The following CEMIP2 variants were observed in gnomAD, a reference collection of about 807,000 sequenced individuals.
The protein encoded by CEMIP2 is cell migration inducing hyaluronidase 2, also known as cell surface hyaluronidase CEMIP2.
A neutral mutation model predicts 146.9 loss-of-function variants in CEMIP2; 79 were observed. That is an observed-to-expected ratio of 0.54 (90% CI 0.45 to 0.65). The LOEUF (loss-of-function observed/expected upper bound fraction) is 0.65. Among genes scored for constraint, CEMIP2 ranks in the 30% least tolerant of loss-of-function variants. CEMIP2 has a pLI of 0.00. For missense variants in CEMIP2, 1,596 were observed against 1,696.2 expected (o/e 0.94, Z 1.04); for synonymous variants, 601 against 606.3 (o/e 0.99, Z 0.13).
At position 71,755,892 on chromosome 9, in the gene CEMIP2, G is replaced by A. The variant is rs1824420711; in HGVS notation, c.-12-5507C>T. Reference sequence around the variant, plus strand: ...CATGAGGATCACTTGAGCCTGGGAGGTGAAGGCTGCAACAAACTGACTGCA... The same window carrying A: ...CATGAGGATCACTTGAGCCTGGGAGATGAAGGCTGCAACAAACTGACTGCA... On this transcript the variant is annotated intron_variant, in intron 1 of 23. Coordinates refer to ENST00000377044, the MANE Select transcript of CEMIP2 (RefSeq NM_013390.3). Among the ~76,000 whole-genome samples the A allele has an allele frequency of 2.1e-5, 3 of 141,778 alleles. No homozygotes were observed. The South Asian group carries it at 6.8e-4, about 32-fold the overall frequency. 93.0% of individuals were successfully genotyped at this position (141,778 alleles called of 152,430 possible).
chr9:71,689,890 G>A (rs974908083), intron 22 of CEMIP2, among the ~76,000 whole-genome samples: 5 of 152,154 alleles, frequency 3.3e-5, no homozygotes, highest in African/African-American at 1.2e-4. Context: ...TCCAAGTTCT[G>A]CCACAGGTAA....
intron 11 of CEMIP2, 30 bp downstream of exon 11, chr9:71,725,551 T>G: frequency 6.2e-7 from 1 of 1,608,544 alleles, no homozygotes. Context: ...GTCTAGCATA[T>G]GTACTAATTG....
At chr9:71,723,219 G>A (rs1348670357) in intron 11 of CEMIP2, among the ~76,000 whole-genome samples, 3 of 150,276 alleles carry the variant, frequency 2.0e-5, no homozygotes, top group South Asian at 4.2e-4. Context: ...CTAAAGAGGA[G>A]CAAACATCAG....
chr9:71,730,442 GA>G (rs1823583683), intron 8 of CEMIP2, among the ~76,000 whole-genome samples, 189 bp from the exon 9 acceptor site: 1 of 150,228 alleles, frequency 6.7e-6, no homozygotes, highest in East Asian at 1.9e-4. Flanking sequence ...TCCCACAGGG[GA>G]AAAAAATAAA....
At chr9:71,711,286 A>G (rs1822896136) in intron 16 of CEMIP2, among the ~76,000 whole-genome samples, 1 of 152,060 alleles carries the variant, frequency 6.6e-6, no homozygotes, top group Admixed American at 6.5e-5. Flanking sequence ...TTTCAGCCAG[A>G]TGCAGTGGCT....
At chr9:71,721,263 T>C (rs1823223212) in intron 12 of CEMIP2, among the ~76,000 whole-genome samples, 1 of 152,162 alleles carries the variant, frequency 6.6e-6, no homozygotes, top group Non-Finnish European at 1.5e-5. Flanking sequence ...AGTAACCTTC[T>C]AGATAGAATT....
In CEMIP2 at chr9:71,685,141, A is replaced by G. The variant is rs988617473; in HGVS notation, c.*56T>C. ...ACAGTGTCATTTTAAAATGCCATAA[A>G]TTAAATAAGTTAGTTCACATTTTTT... On this transcript the variant is annotated 3_prime_UTR_variant, in exon 24 of 24. Coordinates refer to ENST00000377044, the MANE Select transcript of CEMIP2 (RefSeq NM_013390.3). The G allele has an allele frequency of 3.4e-6, 5 of 1,459,536 alleles. No individual in the cohort carries two copies. The highest frequency in any genetic ancestry group is 1.4e-5 in the African/African-American group (1 of 70,488). The allele number at this position is 1,459,536 out of a possible 1,614,324, so 90.4% of individuals were successfully genotyped here.
chr9:71,718,110 A>G (rs1170933050), intron 12 of CEMIP2, 31 bp from the exon 13 acceptor site: 1 of 1,584,448 alleles, frequency 6.3e-7, no homozygotes, highest in Non-Finnish European at 8.6e-7. Context: ...TTTAAAAAAT[A>G]TAACATAAAA....
chr9:71,725,770 C>A (rs1230940806), intron 10 of CEMIP2, 61 bp from the exon 11 acceptor site: 6 of 1,511,468 alleles, frequency 4.0e-6, no homozygotes, highest in Non-Finnish European at 5.3e-6. Flanking sequence ...ATGAAACACT[C>A]TCATAAACTA....
intron 1 of CEMIP2, among the ~76,000 whole-genome samples, chr9:71,750,667 G>A (rs187080237): frequency 1.6e-4 from 24 of 150,060 alleles, no homozygotes; most frequent in South Asian, 6.3e-4. Context: ...GGCTGGTCTC[G>A]AACTCCCAAC....
intron 22 of CEMIP2, 176 bp from the exon 23 acceptor site, chr9:71,686,022 C>CATGG: frequency 1.7e-6 from 1 of 592,454 alleles, no homozygotes. Context: ...ACCCCACCAC[C>CATGG]ATGGGCTTCA....
At chr9:71,690,379 T>C (rs1822194029) in intron 21 of CEMIP2, 133 bp from the exon 22 acceptor site, 1 of 1,156,434 alleles carries the variant, frequency 8.6e-7, no homozygotes, top group Non-Finnish European at 1.2e-6. Flanking sequence ...TCAAATTGTG[T>C]GCTTCACTTG....
At chr9:71,694,687 A>C in intron 20 of CEMIP2, 80 bp from the exon 21 acceptor site, 1 of 881,488 alleles carries the variant, frequency 1.1e-6, no homozygotes. Context: ...GTTAATTATA[A>C]TTAAAGCCAG....
At chr9:71,725,360 C>T (rs1347163699) in intron 11 of CEMIP2, among the ~76,000 whole-genome samples, 2 of 152,058 alleles carry the variant, frequency 1.3e-5, no homozygotes, top group African/African-American at 4.8e-5. Flanking sequence ...GCCCTTCTAC[C>T]GTGGATGACA....
At chr9:71,758,999 A>G (rs1337339948) in intron 1 of CEMIP2, among the ~76,000 whole-genome samples, 1 of 152,084 alleles carries the variant, frequency 6.6e-6, no homozygotes, top group African/African-American at 2.4e-5. Flanking sequence ...GAAATAAGAC[A>G]CTCTGCACAG....
chr9:71,740,376 T>G, intron 4 of CEMIP2, 144 bp from the exon 5 acceptor site: 4 of 925,302 alleles, frequency 4.3e-6, no homozygotes, highest in South Asian at 1.7e-5. Flanking sequence ...GAGGCTGCAG[T>G]TCCAAACCTT....
Position 71,720,023 on chromosome 9 carries a change from C to T in CEMIP2, c.2268-1944G>A, listed in dbSNP as rs1823187625. Reference sequence around the variant, plus strand: ...CCACTTGCTTTGATACCCTTTATTTCCATCTTCTTTCCCACTTGGCATATA... The same window carrying T: ...CCACTTGCTTTGATACCCTTTATTTTCATCTTCTTTCCCACTTGGCATATA... On this transcript the variant is annotated intron_variant, in intron 12 of 23. Transcript: ENST00000377044. 2.0e-5 allele frequency among the ~76,000 whole-genome samples: 3 copies of T among 152,238 alleles called. No homozygotes were observed. The South Asian group carries it at 6.2e-4, about 32-fold the overall frequency.
At chr9:71,730,611 A>T (rs1823587458) in intron 8 of CEMIP2, 94 bp downstream of exon 8, 9 of 1,326,302 alleles carry the variant, frequency 6.8e-6, no homozygotes, top group South Asian at 5.5e-5. Flanking sequence ...GCATGTGGCT[A>T]AACAGTTTAC....
intron 6 of CEMIP2, among the ~76,000 whole-genome samples, chr9:71,734,204 TTTTG>T (rs1823699606): frequency 7.0e-6 from 1 of 143,742 alleles, no homozygotes; most frequent in African/African-American, 2.5e-5. Flanking sequence ...ATCAATGAGT[TTTTG>T]TTTTTGTTTT....
Sources: gnomAD v4.1 joint callset for allele counts (sites outside exome capture counted in the v4.1 genomes callset) on GRCh38, gnomAD v4.1.1 for gene constraint, MANE v1.5 for transcripts, NCBI Gene and HGNC (gene_info 2026-07-23, HGNC 2026-07-21) for gene names.